The following MILR1 variants were observed in gnomAD, a reference collection of about 807,000 sequenced individuals.
MILR1 encodes mast cell immunoglobulin like receptor 1.
A neutral mutation model predicts 18.5 loss-of-function variants in MILR1; 31 were observed. The ratio of observed to expected loss-of-function variants is 1.68; its 90% CI spans 1.26 to 2.26. MILR1 has a LOEUF of 2.26. Ranked by LOEUF, MILR1 falls within the 30% of genes most tolerant of loss-of-function variation. The pLI, the probability that MILR1 is intolerant of heterozygous loss-of-function variation, is 0.00. For synonymous variants in MILR1, 85 were observed against 56.2 expected (o/e 1.51, Z -2.30); for missense variants, 257 against 157.4 (o/e 1.63, Z -3.38).
At chr17:64,477,932 T>G in the MILR1 span, 18 of 1,613,922 alleles carry the variant, frequency 1.1e-5, no homozygotes, top group Admixed American at 3.0e-4. Context: ...TATTAATCCA[T>G]TCTCCAAAGT....
the MILR1 span, chr17:64,497,172 G>A: frequency 9.3e-6 from 6 of 646,798 alleles, no homozygotes; most frequent in African/African-American, 9.0e-5. Context: ...CGCCGGCTCG[G>A]ATGGTTCTCT....
At chr17:64,491,494 A>T in the MILR1 span, 1 of 1,392,856 alleles carries the variant, frequency 7.2e-7, no homozygotes, top group Non-Finnish European at 1.0e-6. Context: ...CGGGCAAAAG[A>T]GTGAGACTAT....
At chr17:64,460,697 TG>T (rs2037411763) in intron 4 of MILR1, 124 bp from the exon 5 acceptor site, 3 of 409,300 alleles carry the variant, frequency 7.3e-6, no homozygotes, top group Non-Finnish European at 1.3e-5. Context: ...CATGACCATT[TG>T]GGAACCTGGG....
At position 64,452,852 on chromosome 17, in the gene MILR1, G is replaced by A; in HGVS notation, c.353G>A (p.Ser118Asn). The A allele has an allele frequency of 2.1e-6, 1 of 475,158 alleles. No homozygotes were observed. The highest frequency in any genetic ancestry group is 3.9e-6 in the Non-Finnish European group (1 of 259,006). 29.4% of individuals were successfully genotyped at this position (475,158 alleles called of 1,614,324 possible). The change falls in exon 3 of 10, where the codon AGC becomes AAC. Residue 118 changes from serine to asparagine, a missense_variant. Physicochemically the swap from Ser to Asn is conservative, Grantham distance 46 (BLOSUM62 1). Transcript: ENST00000619286. ...TSCSKYSRDF[S>N]FTIVDPVTSP... is the part of the protein sequence containing the mutation. Reference sequence around the variant, plus strand: ...TGTTCAAAATACAGTCGTGACTTCAGCTTCACGATTGTCGGTAAGTAGAGT... The same window carrying A: ...TGTTCAAAATACAGTCGTGACTTCAACTTCACGATTGTCGGTAAGTAGAGT...
intron 3 of MILR1, among the ~76,000 whole-genome samples, chr17:64,456,235 C>A (rs1169112622): frequency 6.6e-6 from 1 of 151,528 alleles, no homozygotes; most frequent in East Asian, 1.9e-4. Context: ...CAAATGAGAT[C>A]ATGTGACTGG....
chr17:64,492,966 A>G, the MILR1 span: 1 of 1,614,074 alleles, frequency 6.2e-7, no homozygotes, highest in Non-Finnish European at 8.5e-7. Flanking sequence ...GAGCAAGGCC[A>G]TAAGGTAGCC....
chr17:64,491,178 A>G, the MILR1 span, among the ~76,000 whole-genome samples: 1 of 152,150 alleles, frequency 6.6e-6, no homozygotes, highest in Non-Finnish European at 1.5e-5. Flanking sequence ...GTTAGAGTGC[A>G]GTGGCTAGTC....
intron 3 of MILR1, among the ~76,000 whole-genome samples, chr17:64,456,980 C>A (rs1227960139): frequency 1.3e-5 from 2 of 152,024 alleles, no homozygotes; most frequent in African/African-American, 4.8e-5. Flanking sequence ...AGTTCAAGAC[C>A]AACCTGGCCA....
downstream of MILR1, among the ~76,000 whole-genome samples, chr17:64,470,020 G>T (rs1390739204): frequency 6.6e-6 from 1 of 152,164 alleles, no homozygotes; most frequent in African/African-American, 2.4e-5. Flanking sequence ...CAGATACAGC[G>T]TTTCAGTTTG....
the MILR1 span, chr17:64,497,163 G>T: frequency 1.5e-6 from 1 of 656,978 alleles, no homozygotes; most frequent in Non-Finnish European, 2.7e-6. Context: ...CATGGCGGAC[G>T]CCGGCTCGGA....
chr17:64,492,689 T>C, the MILR1 span: 1 of 1,610,200 alleles, frequency 6.2e-7, no homozygotes, highest in African/African-American at 1.3e-5. Context: ...CTGGAGTCGA[T>C]GACGTAACCA....
chr17:64,454,426 C>T (rs1282308749), intron 3 of MILR1, among the ~76,000 whole-genome samples: 1 of 152,168 alleles, frequency 6.6e-6, no homozygotes, highest in Non-Finnish European at 1.5e-5. Flanking sequence ...AAAAATTTCC[C>T]TCCACAGTCT....
At chr17:64,469,154 A>T (rs1454545139), downstream of MILR1, among the ~76,000 whole-genome samples, 1 of 152,032 alleles carries the variant, frequency 6.6e-6, no homozygotes, top group Non-Finnish European at 1.5e-5. Flanking sequence ...GAAAGAGAGA[A>T]AAGAAGAGAA....
intron 3 of MILR1, among the ~76,000 whole-genome samples, chr17:64,456,737 G>C (rs2037309772): frequency 6.6e-6 from 1 of 152,090 alleles, no homozygotes; most frequent in Non-Finnish European, 1.5e-5. Context: ...GGGAGTTTGA[G>C]GTTACAGTGA....
chr17:64,479,350 A>AT, the MILR1 span, among the ~76,000 whole-genome samples: 1 of 151,774 alleles, frequency 6.6e-6, no homozygotes, highest in Non-Finnish European at 1.5e-5. Context: ...TGGCCAGGTA[A>AT]TTTTTTGTAT....
the MILR1 span, among the ~76,000 whole-genome samples, chr17:64,473,942 A>C: frequency 6.6e-6 from 1 of 152,228 alleles, no homozygotes; most frequent in Non-Finnish European, 1.5e-5. Flanking sequence ...CATTTAAAAG[A>C]GGTAAATTTA....
At chr17:64,471,674 G>A (rs556940078), downstream of MILR1, among the ~76,000 whole-genome samples, 6 of 152,328 alleles carry the variant, frequency 3.9e-5, no homozygotes, top group South Asian at 1.2e-3. Flanking sequence ...CAATAGGGGT[G>A]GGTGTGGTGG....
chr17:64,466,436 T>G lies in MILR1; in HGVS notation c.854-6T>G. The stretch of plus-strand genomic sequence containing the variant: ...ACCCCCAATTTATGTCATTCTCATT[T>G]TACAGAGGAGGAATCTGTGCCAGAA... On this transcript the variant is annotated splice_region_variant and splice_polypyrimidine_tract_variant and intron_variant, in intron 6 of 9. Transcript: ENST00000619286. The G allele has an allele frequency of 6.2e-7, 1 of 1,613,036 alleles. No homozygotes were observed. Among genetic ancestry groups the G allele is most frequent in the Non-Finnish European group, 8.5e-7 (1 of 1,179,468 alleles).
At chr17:64,483,469 G>A in the MILR1 span, among the ~76,000 whole-genome samples, 1 of 151,020 alleles carries the variant, frequency 6.6e-6, no homozygotes, top group East Asian at 1.9e-4. Flanking sequence ...AGCCAAGATC[G>A]TGCCACTGCA....
Sources: gnomAD v4.1 joint callset for allele counts (sites outside exome capture counted in the v4.1 genomes callset) on GRCh38, gnomAD v4.1.1 for gene constraint, MANE v1.5 for transcripts, NCBI Gene and HGNC (gene_info 2026-07-23, HGNC 2026-07-21) for gene names.